The following CAB39L variants were observed in gnomAD, a reference collection of about 807,000 sequenced individuals.
CAB39L encodes the protein calcium-binding protein 39-like.
Under a neutral mutation model 39.1 loss-of-function variants are expected in CAB39L, and 23 were observed. The observed-to-expected ratio is 0.59, with a 90% CI of 0.42 to 0.83. CAB39L has a LOEUF of 0.83. CAB39L is among the 40% of genes least tolerant of loss of function. CAB39L has a pLI of 0.00. For synonymous variants in CAB39L, 126 were observed against 137.2 expected (o/e 0.92, Z 0.57); for missense variants, 366 against 391.9 (o/e 0.93, Z 0.56).
intron 5 of CAB39L, among the ~76,000 whole-genome samples, chr13:49,368,973 A>ATG (rs1002896745): frequency 1.3e-5 from 2 of 152,210 alleles, no homozygotes; most frequent in Non-Finnish European, 2.9e-5. Context: ...TAGAATATAT[A>ATG]TAAAGAATTC....
intron 3 of CAB39L, among the ~76,000 whole-genome samples, chr13:49,429,132 C>T (rs1417666543): frequency 6.6e-6 from 1 of 152,190 alleles, no homozygotes; most frequent in Admixed American, 6.5e-5. Flanking sequence ...CCCCACTTTA[C>T]AGATAAGAAA....
At chr13:49,372,149 C>T (rs1453862957) in intron 5 of CAB39L, among the ~76,000 whole-genome samples, 1 of 152,094 alleles carries the variant, frequency 6.6e-6, no homozygotes, top group Non-Finnish European at 1.5e-5. Flanking sequence ...TGAATAGTAG[C>T]CAAACCTCAA....
intron 10 of CAB39L, among the ~76,000 whole-genome samples, chr13:49,319,872 T>A (rs1289798762): frequency 6.6e-6 from 1 of 151,322 alleles, no homozygotes; most frequent in East Asian, 1.9e-4. Context: ...GACAAACTGA[T>A]GTTGCAAACC....
At chr13:49,431,217 T>C (rs933678389) in intron 3 of CAB39L, among the ~76,000 whole-genome samples, 2 of 152,206 alleles carry the variant, frequency 1.3e-5, no homozygotes, top group African/African-American at 4.8e-5. Flanking sequence ...ACAGCACTTA[T>C]ATTTTTCAGA....
intron 10 of CAB39L, among the ~76,000 whole-genome samples, chr13:49,329,416 C>T (rs1954602295): frequency 6.6e-6 from 1 of 151,220 alleles, no homozygotes; most frequent in South Asian, 2.1e-4. Context: ...CAATAAATAT[C>T]TGGGCTGGAG....
intron 3 of CAB39L, among the ~76,000 whole-genome samples, chr13:49,425,454 A>G (rs1171227853): frequency 6.6e-6 from 1 of 152,196 alleles, no homozygotes; most frequent in East Asian, 1.9e-4. Flanking sequence ...TATAGAGATG[A>G]GTATAAAAGT....
intron 3 of CAB39L, among the ~76,000 whole-genome samples, chr13:49,408,967 C>A (rs907105728): frequency 1.3e-5 from 2 of 152,168 alleles, no homozygotes; most frequent in African/African-American, 4.8e-5. Context: ...ACTACCTAAC[C>A]CTGTAGTCTA....
chr13:49,374,322 A>G (rs1400286757), intron 5 of CAB39L, among the ~76,000 whole-genome samples: 1 of 152,200 alleles, frequency 6.6e-6, no homozygotes, highest in Non-Finnish European at 1.5e-5. Flanking sequence ...AGGCAAGTAT[A>G]TAATACATTT....
Position 49,308,734 on chromosome 13 carries a change from T to C in CAB39L, c.*2080A>G, listed in dbSNP as rs1953901950. On this transcript the variant is annotated 3_prime_UTR_variant, in exon 11 of 11. Coordinates refer to ENST00000409308, the MANE Select transcript of CAB39L (RefSeq NM_001079670.3). ...ATATGACCTTTTCAGAATTCAATTC[T>C]CACAGTATTTACAGTGAACTTTGTG... 6.6e-6 allele frequency: 1 copy of C among 152,626 alleles called. No homozygotes were observed. Among genetic ancestry groups the C allele is most frequent in the Admixed American group, 6.5e-5 (1 of 15,286 alleles). The allele number at this position is 152,626 out of a possible 1,614,324, so 9.5% of individuals were successfully genotyped here. A position where few individuals can be genotyped will look rare whatever the true frequency, so the allele number is the denominator to read the frequency against.
chr13:49,432,287 C>T (rs1176117443), intron 3 of CAB39L, among the ~76,000 whole-genome samples: 6 of 151,950 alleles, frequency 3.9e-5, no homozygotes, highest in Non-Finnish European at 7.4e-5. Flanking sequence ...CTGAGGTACG[C>T]ACCACCATAC....
intron 9 of CAB39L, among the ~76,000 whole-genome samples, chr13:49,333,596 G>T: frequency 8.1e-6 from 1 of 123,790 alleles, no homozygotes; most frequent in South Asian, 2.6e-4. Flanking sequence ...TTTTGAGACA[G>T]AGTGTCACTC....
chr13:49,423,294 C>T (rs1286959425), intron 3 of CAB39L, among the ~76,000 whole-genome samples: 2 of 152,226 alleles, frequency 1.3e-5, no homozygotes, highest in Non-Finnish European at 2.9e-5. Context: ...CCAATGACCA[C>T]ATTTTGAGAA....
At chr13:49,327,162 A>AT (rs5803457) in intron 10 of CAB39L, among the ~76,000 whole-genome samples, 43,510 of 150,702 alleles carry the variant, frequency 0.29, 7,368 homozygotes, top group African/African-American at 0.49. Context: ...TTGCCTTCAG[A>AT]TTTTTTTTTT....
chr13:49,438,976 T>G (rs1355964753), intron 1 of CAB39L, among the ~76,000 whole-genome samples: 1 of 152,254 alleles, frequency 6.6e-6, no homozygotes, highest in Non-Finnish European at 1.5e-5. Context: ...CAGTGTTACA[T>G]AAACATCACC....
chr13:49,320,005 T>C (rs1954298852), intron 10 of CAB39L, among the ~76,000 whole-genome samples: 1 of 152,042 alleles, frequency 6.6e-6, no homozygotes, highest in Admixed American at 6.6e-5. Context: ...CTAAGGAAAA[T>C]GCTAAGTTTG....
At chr13:49,421,997 T>C (rs1043922209) in intron 3 of CAB39L, among the ~76,000 whole-genome samples, 1 of 152,062 alleles carries the variant, frequency 6.6e-6, no homozygotes, top group African/African-American at 2.4e-5. Context: ...ATTTGTTTGA[T>C]GGGGGCGGGG....
chr13:49,317,471 G>A (rs1000394777), intron 10 of CAB39L, among the ~76,000 whole-genome samples: 19 of 152,050 alleles, frequency 1.2e-4, no homozygotes, highest in African/African-American at 4.1e-4. Context: ...TTGAGGATGC[G>A]GTGAGCTGTG....
intron 3 of CAB39L, among the ~76,000 whole-genome samples, chr13:49,419,430 T>A (rs7983442): frequency 6.6e-6 from 1 of 151,790 alleles, no homozygotes; most frequent in African/African-American, 2.4e-5. Context: ...ATACAAAAAT[T>A]AGCCACATGT....
chr13:49,378,631 T>A (rs1241899943), intron 4 of CAB39L, among the ~76,000 whole-genome samples: 1 of 48,874 alleles, frequency 2.0e-5, no homozygotes, highest in Non-Finnish European at 3.8e-5. Flanking sequence ...GTCCGGGAGG[T>A]GAGGGGCGCC....
Sources: gnomAD v4.1 joint callset for allele counts (sites outside exome capture counted in the v4.1 genomes callset) on GRCh38, gnomAD v4.1.1 for gene constraint, MANE v1.5 for transcripts, NCBI Gene and HGNC (gene_info 2026-07-23, HGNC 2026-07-21) for gene names.